DYNC2H1: variants seen among roughly 807,000 people sequenced by gnomAD.
The protein encoded by DYNC2H1 is dynein cytoplasmic 2 heavy chain 1.
Under a neutral mutation model 570.0 loss-of-function variants are expected in DYNC2H1, and 410 were observed. The ratio of observed to expected loss-of-function variants is 0.72; its 90% CI spans 0.66 to 0.78. The LOEUF (loss-of-function observed/expected upper bound fraction) is 0.78. DYNC2H1 is among the 30% of genes least tolerant of loss of function. The pLI is 0.00. For missense variants in DYNC2H1, 4,865 were observed against 5,046.4 expected (o/e 0.96, Z 1.09); for synonymous variants, 1,688 against 1,677.6 (o/e 1.01, Z -0.15).
At chr11:103,374,050 C>T (rs1050003299) in intron 83 of DYNC2H1, among the ~76,000 whole-genome samples, 1 of 152,114 alleles carries the variant, frequency 6.6e-6, no homozygotes, top group South Asian at 2.1e-4. Context: ...CTTTTTCCAT[C>T]TCTTTTCAGT....
At chr11:103,141,525 G>A (rs961015550) in intron 17 of DYNC2H1, among the ~76,000 whole-genome samples, 23 of 152,274 alleles carry the variant, frequency 1.5e-4, no homozygotes, top group South Asian at 6.2e-4. Context: ...GCAGATTTTC[G>A]TGAACCACGA....
rs1458951047 is a variant in DYNC2H1 at position 103,244,777 on chromosome 11, A to T, written c.9919-474A>T. Among the ~76,000 whole-genome samples, 1 of 148,642 alleles carries T rather than the reference A, an allele frequency of 6.7e-6. No individual in the cohort carries two copies. Among genetic ancestry groups the T allele is most frequent in the Admixed American group, 6.8e-5 (1 of 14,796 alleles). On this transcript the variant is annotated intron_variant, in intron 64 of 88. Coordinates refer to ENST00000375735, the MANE Select transcript of DYNC2H1 (RefSeq NM_001377.3). This position sits in a 1 kb window ranked among gnomAD's most constrained non-coding sequence, Gnocchi z 4.3. ...TATATCTATAGTTACAGTTATATAC[A>T]TATAAGTACTATATCTATATATAGT...
chr11:103,288,684 T>TTAAAAAAAAAAAAAAAAAAA (rs1401919829), intron 75 of DYNC2H1, among the ~76,000 whole-genome samples: 1 of 27,904 alleles, frequency 3.6e-5, no homozygotes, highest in Non-Finnish European at 6.0e-5. Context: ...CCGTCTCTAC[T>TTAAAAAAAAAAAAAAAAAAA]AAAAAAAAAA....
chr11:103,358,147 T>G, intron 82 of DYNC2H1, 96 bp from the exon 83 acceptor site: 1 of 659,460 alleles, frequency 1.5e-6, no homozygotes, highest in Non-Finnish European at 2.4e-6. Flanking sequence ...GTCTCTATTT[T>G]TATAAAACAA....
chr11:103,336,980 C>T (rs1264672328), intron 82 of DYNC2H1, among the ~76,000 whole-genome samples: 1 of 152,156 alleles, frequency 6.6e-6, no homozygotes, highest in African/African-American at 2.4e-5. Flanking sequence ...CTCTGCAGCA[C>T]TGTGACATGT....
chr11:103,330,972 C>G (rs886404515), intron 82 of DYNC2H1, among the ~76,000 whole-genome samples: 1 of 152,142 alleles, frequency 6.6e-6, no homozygotes, highest in African/African-American at 2.4e-5. Flanking sequence ...CTTGAAAGAG[C>G]ATTGTTTCTA....
chr11:103,258,012 T>TA (rs1865130789), intron 69 of DYNC2H1, among the ~76,000 whole-genome samples: 3 of 152,304 alleles, frequency 2.0e-5, no homozygotes, highest in Admixed American at 2.0e-4. Flanking sequence ...TATAATCATT[T>TA]AAAAAACCCA....
intron 87 of DYNC2H1, among the ~76,000 whole-genome samples, chr11:103,460,207 A>G (rs748392625): frequency 9.9e-5 from 15 of 152,114 alleles, no homozygotes; most frequent in Non-Finnish European, 2.1e-4. Flanking sequence ...TACCTTGGCT[A>G]TTACTGGTGG....
chr11:103,144,134 G>A (rs1860113054), intron 18 of DYNC2H1, among the ~76,000 whole-genome samples: 1 of 152,194 alleles, frequency 6.6e-6, no homozygotes, highest in Admixed American at 6.5e-5. Context: ...TATATTTGAT[G>A]ATTAAGTCAA....
rs529773845 is a variant in DYNC2H1 at position 103,304,233 on chromosome 11, G to A, written c.11257-362G>A. ...AAATGAAAGATAGCAAAATAGCAGC[G>A]CTGTTAGGCTCAGGTGTGAAGGTTT... On this transcript the variant is annotated intron_variant, in intron 76 of 88. Coordinates refer to ENST00000375735, the MANE Select transcript of DYNC2H1 (RefSeq NM_001377.3). Among the ~76,000 whole-genome samples, 65 of 152,198 alleles carry A rather than the reference G, an allele frequency of 4.3e-4. 1 individual carries two copies. Among genetic ancestry groups the A allele is most frequent in the Admixed American group, 4.6e-4 (7 of 15,284 alleles).
intron 53 of DYNC2H1, among the ~76,000 whole-genome samples, chr11:103,210,516 T>C (rs968694025): frequency 6.6e-6 from 1 of 152,052 alleles, no homozygotes; most frequent in Non-Finnish European, 1.5e-5. Context: ...GGCTGGATAT[T>C]AGAGATCACT....
At chr11:103,259,802 C>A in intron 69 of DYNC2H1, 86 bp from the exon 70 acceptor site, 1 of 850,784 alleles carries the variant, frequency 1.2e-6, no homozygotes, top group South Asian at 1.9e-5. Context: ...GTTTCAGAAT[C>A]AGCTTTGAAT....
chr11:103,430,911 A>C (rs929935908), intron 84 of DYNC2H1, among the ~76,000 whole-genome samples: 1 of 152,140 alleles, frequency 6.6e-6, no homozygotes, highest in African/African-American at 2.4e-5. Context: ...TAGGGAGCTC[A>C]ATTTATTGTC....
intron 82 of DYNC2H1, among the ~76,000 whole-genome samples, chr11:103,337,620 T>A (rs566584932): frequency 3.2e-4 from 48 of 152,320 alleles, no homozygotes; most frequent in African/African-American, 1.1e-3. Flanking sequence ...GATTTCTATT[T>A]CTCTGATGAG....
rs1402367595 is a variant in DYNC2H1, at chr11:103,181,629, A to C, written c.6348-128A>C. 1.0e-6 allele frequency: 1 copy of C among 966,888 alleles called. No individual in the cohort carries two copies. The highest frequency in any genetic ancestry group is 2.7e-5 in the East Asian group (1 of 36,910). 59.9% of individuals were successfully genotyped at this position (966,888 alleles called of 1,614,324 possible). A position where few individuals can be genotyped will look rare whatever the true frequency, so the allele number is the denominator to read the frequency against. ...ACACATACTCATAGTAAAGTAACTAAAGCCACCTTTTGTATGCTAGCAGAC... is the reference window on the plus strand; with the variant it reads ...ACACATACTCATAGTAAAGTAACTACAGCCACCTTTTGTATGCTAGCAGAC... On this transcript the variant is annotated intron_variant, in intron 39 of 88. Coordinates refer to ENST00000375735, the MANE Select transcript of DYNC2H1 (RefSeq NM_001377.3). This position sits in a 1 kb window ranked among gnomAD's most constrained non-coding sequence, Gnocchi z 5.0.
chr11:103,429,711 T>A (rs1269051189), intron 84 of DYNC2H1, among the ~76,000 whole-genome samples: 1 of 152,360 alleles, frequency 6.6e-6, no homozygotes, highest in East Asian at 1.9e-4. Context: ...TTTTAGTTAT[T>A]TCAATTAATT....
chr11:103,137,494 C>T (rs1458840137), intron 17 of DYNC2H1, among the ~76,000 whole-genome samples: 1 of 152,076 alleles, frequency 6.6e-6, no homozygotes, highest in African/African-American at 2.4e-5. Flanking sequence ...ATCCTTTCCC[C>T]ATTGCTTGTT....
At position 103,377,834 on chromosome 11, in the gene DYNC2H1, T is replaced by G. The variant is rs1424700598; in HGVS notation, c.12156+19475T>G. Among the ~76,000 whole-genome samples the G allele has an allele frequency of 2.0e-5, 3 of 152,222 alleles. No homozygotes were observed. The East Asian group carries it at 5.8e-4, about 29-fold the overall frequency. ...TCATTATATCCTCCACCTCCCAGGT[T>G]CAAGCAATTCTCATGCTTCAGCCTC... On this transcript the variant is annotated intron_variant, in intron 83 of 88. Coordinates refer to ENST00000375735, the MANE Select transcript of DYNC2H1 (RefSeq NM_001377.3).
rs1322033522 is a variant in DYNC2H1 at position 103,186,258 on chromosome 11, G to A, written c.6650G>A (p.Arg2217Gln). 5.0e-6 allele frequency: 8 copies of A among 1,610,618 alleles called. No individual in the cohort carries two copies. Among genetic ancestry groups the A allele is most frequent in the East Asian group, 2.2e-5 (1 of 44,736 alleles). The change falls in exon 42 of 89, where the codon CGA becomes CAA. Residue 2217 changes from arginine to glutamine, a missense_variant. This residue lies in a region of DYNC2H1 where 231 missense variants were observed against 310.3 expected (regional missense o/e 0.74). Coordinates refer to ENST00000375735, the MANE Select transcript of DYNC2H1 (RefSeq NM_001377.3). This position sits in a 1 kb window ranked among gnomAD's most constrained non-coding sequence, Gnocchi z 4.5. ...CCTCTTAAGGTTTTTCATTGGGCAC[G>A]AGAATCTCCTCCAGACTTTCACAAA... ...EFTKEVFHWA[R>Q]ESPPDFHKPM...
Sources: allele counts gnomAD v4.1 joint callset (sites outside exome capture counted in the v4.1 genomes callset), GRCh38; gene constraint gnomAD v4.1.1; regional missense constraint gnomAD v4.1.1; non-coding constraint Gnocchi (gnomAD v3.1); transcripts MANE v1.5; gene names NCBI Gene and HGNC (gene_info 2026-07-23, HGNC 2026-07-21).